Variants in NELL2 observed in about 807,000 individuals in gnomAD.
The protein encoded by NELL2 is protein kinase C-binding protein NELL2.
In NELL2, 41 loss-of-function variants were observed where a neutral mutation model predicts 109.6. That is an observed-to-expected ratio of 0.37 (90% CI 0.29 to 0.49). The LOEUF is 0.49. NELL2 is among the 20% of genes least tolerant of loss of function. The pLI, the probability that NELL2 is intolerant of heterozygous loss-of-function variation, is 0.98. For synonymous variants in NELL2, 355 were observed against 344.7 expected (o/e 1.03, Z -0.33); for missense variants, 900 against 1,008.3 (o/e 0.89, Z 1.45).
chr12:44,710,844 A>C (rs866727060), intron 11 of NELL2, among the ~76,000 whole-genome samples: 19 of 152,156 alleles, frequency 1.2e-4, no homozygotes, highest in African/African-American at 4.3e-4. Flanking sequence ...AGAATCAAGA[A>C]GAAAGGGATT....
intron 19 of NELL2, among the ~76,000 whole-genome samples, chr12:44,510,901 G>A (rs1438751155): frequency 6.6e-6 from 1 of 152,168 alleles, no homozygotes; most frequent in Non-Finnish European, 1.5e-5. Context: ...CCATAACCAG[G>A]TCACACAATC....
chr12:44,591,230 A>G (rs1009624177), intron 15 of NELL2, among the ~76,000 whole-genome samples: 1 of 152,224 alleles, frequency 6.6e-6, no homozygotes, highest in Non-Finnish European at 1.5e-5. Flanking sequence ...TTCCTCAAAG[A>G]ACTAAAAATA....
intron 11 of NELL2, among the ~76,000 whole-genome samples, chr12:44,706,180 GT>G (rs1937866130): frequency 6.6e-6 from 1 of 151,978 alleles, no homozygotes; most frequent in Non-Finnish European, 1.5e-5. Flanking sequence ...TATCAGATGG[GT>G]TTTTTTAAAC....
At chr12:44,679,168 G>C (rs990819558) in intron 12 of NELL2, among the ~76,000 whole-genome samples, 3 of 152,104 alleles carry the variant, frequency 2.0e-5, no homozygotes, top group Non-Finnish European at 4.4e-5. Flanking sequence ...CCCGGGAGGA[G>C]AGGTTTCTAT....
rs5797905 is a variant in NELL2 at position 44,581,634 on chromosome 12, GAA to G, written c.1663+25533_1663+25534del. Among the ~76,000 whole-genome samples, 220 of 146,838 alleles carry G rather than the reference GAA, an allele frequency of 1.5e-3. 3 individuals carry two copies. The South Asian group carries it at 0.019, about 12-fold the overall frequency. On this transcript the variant is annotated intron_variant, in intron 15 of 19. Transcript: ENST00000429094. ...TTCTCTTTATATAGGTTGGTTAAAA[GAA>G]AAAAAAATACATTCTTGAAAAAATT...
intron 1 of NELL2, among the ~76,000 whole-genome samples, chr12:44,909,266 A>T (rs959033076): frequency 6.6e-6 from 1 of 152,014 alleles, no homozygotes; most frequent in Admixed American, 6.6e-5. Flanking sequence ...AAAAATCAGT[A>T]ACATTCCTAT....
At chr12:44,727,185 G>T (rs984452865) in intron 9 of NELL2, among the ~76,000 whole-genome samples, 1 of 152,088 alleles carries the variant, frequency 6.6e-6, no homozygotes, top group African/African-American at 2.4e-5. Context: ...TTGCACATAG[G>T]GAAATTGTTG....
chr12:44,834,237 C>T (rs1943976784), intron 2 of NELL2, among the ~76,000 whole-genome samples: 1 of 152,286 alleles, frequency 6.6e-6, no homozygotes, highest in South Asian at 2.1e-4. Flanking sequence ...CCTTCTCTCT[C>T]ATATCTGTAC....
intron 3 of NELL2, among the ~76,000 whole-genome samples, 182 bp from the exon 4 acceptor site, chr12:44,780,204 A>T (rs1047046863): frequency 4.6e-5 from 7 of 152,120 alleles, no homozygotes; most frequent in South Asian, 2.1e-4. Context: ...GATATTCAGG[A>T]TCCAAGGAAC....
At chr12:44,660,274 T>C (rs550165254) in intron 13 of NELL2, among the ~76,000 whole-genome samples, 10 of 152,298 alleles carry the variant, frequency 6.6e-5, no homozygotes, top group African/African-American at 2.4e-4. Context: ...TTCCCAACCT[T>C]GGGACTATTG....
In NELL2 at chr12:44,809,467, A is replaced by G. The variant is rs1432991983; in HGVS notation, c.335+6519T>C. On this transcript the variant is annotated intron_variant, in intron 3 of 19. Transcript: ENST00000429094. ...GTCTTAACTCTTTCCAACAACTGCCATATATTACTGTCTGGTTTTTTTTAG... is the reference window on the plus strand; with the variant it reads ...GTCTTAACTCTTTCCAACAACTGCCGTATATTACTGTCTGGTTTTTTTTAG... Among the ~76,000 whole-genome samples the G allele has an allele frequency of 2.6e-5, 4 of 152,008 alleles. No homozygotes were observed. In the South Asian group the frequency reaches 8.3e-4, roughly 31 times the overall value.
intron 3 of NELL2, among the ~76,000 whole-genome samples, chr12:44,807,033 T>A (rs1000241715): frequency 6.6e-6 from 1 of 151,558 alleles, no homozygotes; most frequent in Non-Finnish European, 1.5e-5. Flanking sequence ...AAAAATTATA[T>A]TTTTACAAAG....
chr12:44,609,279 G>A (rs141989720), intron 14 of NELL2, among the ~76,000 whole-genome samples: 4 of 151,872 alleles, frequency 2.6e-5, no homozygotes, highest in African/African-American at 7.3e-5. Flanking sequence ...TACAAGCATT[G>A]TGATACCTCA....
intron 13 of NELL2, among the ~76,000 whole-genome samples, chr12:44,634,014 T>G (rs1469794865): frequency 6.6e-6 from 1 of 152,156 alleles, no homozygotes; most frequent in African/African-American, 2.4e-5. Flanking sequence ...CCACATTTTT[T>G]ATATGTAACT....
intron 15 of NELL2, among the ~76,000 whole-genome samples, chr12:44,565,045 GA>G (rs1188632305): frequency 1.3e-5 from 2 of 152,102 alleles, no homozygotes; most frequent in Non-Finnish European, 2.9e-5. Context: ...CTAGACCTAT[GA>G]AATCAGAATC....
chr12:44,531,538 G>A (rs1340063948), intron 16 of NELL2, among the ~76,000 whole-genome samples: 1 of 151,970 alleles, frequency 6.6e-6, no homozygotes, highest in African/African-American at 2.4e-5. Context: ...ATTCCTAGGT[G>A]GAAATCCTGA....
chr12:44,871,023 A>G lies in NELL2; in HGVS notation c.184+4202T>C, dbSNP rs73281008. Reference sequence around the variant, plus strand: ...GCTTTCCTCATATACTTTATTTCATATCACATGCCCTATGTTTCTACTTCT... The same window carrying G: ...GCTTTCCTCATATACTTTATTTCATGTCACATGCCCTATGTTTCTACTTCT... On this transcript the variant is annotated intron_variant, in intron 2 of 19. Transcript: ENST00000429094. 6.1e-3 allele frequency among the ~76,000 whole-genome samples: 923 copies of G among 152,224 alleles called. 7 individuals carry two copies. Among genetic ancestry groups the G allele is most frequent in the African/African-American group, 0.021 (862 of 41,536 alleles).
chr12:44,736,319 T>G (rs372738824), intron 9 of NELL2, among the ~76,000 whole-genome samples: 1 of 152,088 alleles, frequency 6.6e-6, no homozygotes. Flanking sequence ...TTCTTTATTT[T>G]TTTAAAAAAA....
At chr12:44,906,615 A>C (rs2136887147) in intron 1 of NELL2, among the ~76,000 whole-genome samples, 1 of 152,168 alleles carries the variant, frequency 6.6e-6, no homozygotes, top group South Asian at 2.1e-4. Flanking sequence ...TATGAGAGAA[A>C]AAGAGGAATC....
Sources: gnomAD v4.1 joint callset for allele counts (sites outside exome capture counted in the v4.1 genomes callset) on GRCh38, gnomAD v4.1.1 for gene constraint, MANE v1.5 for transcripts, NCBI Gene and HGNC (gene_info 2026-07-23, HGNC 2026-07-21) for gene names.